Variants in RCC2 observed in about 807,000 individuals in gnomAD.
The protein encoded by RCC2 is regulator of chromosome condensation 2.
In RCC2, 19 loss-of-function variants were observed where a neutral mutation model predicts 64.1. That is an observed-to-expected ratio of 0.30 (90% CI 0.21 to 0.44). The LOEUF (loss-of-function observed/expected upper bound fraction) is 0.44. Ranked by LOEUF, RCC2 falls within the 20% of genes least tolerant of loss-of-function variation. The pLI is 1.00. For synonymous variants in RCC2, 325 were observed against 279.6 expected (o/e 1.16, Z -1.62); for missense variants, 508 against 710.4 (o/e 0.72, Z 3.24).
At chr1:17,412,727 C>A (rs1326035256) in intron 10 of RCC2, among the ~76,000 whole-genome samples, 5 of 152,240 alleles carry the variant, frequency 3.3e-5, no homozygotes, top group Non-Finnish European at 5.9e-5. Flanking sequence ...ATGTCGTCTT[C>A]CCAGTGTCAC....
chr1:17,433,869 GACCAATT>G (rs1194395375), intron 2 of RCC2, among the ~76,000 whole-genome samples: 16 of 152,030 alleles, frequency 1.1e-4, no homozygotes, highest in Non-Finnish European at 8.8e-5. Flanking sequence ...TGCCGGCATC[GACCAATT>G]ACCTAAGGGC....
At position 17,409,967 on chromosome 1, in the gene RCC2, C is replaced by CA; in HGVS notation, c.1464+6dup. Reference sequence around the variant, plus strand: ...GTCCCCGAGCTGGCACAGCTGCCCCCACTCACCTGCTCTGAGAAAATGCCA... The same window carrying CA: ...GTCCCCGAGCTGGCACAGCTGCCCCCAACTCACCTGCTCTGAGAAAATGCCA... On this transcript the variant is annotated splice_region_variant and intron_variant, in intron 12 of 12. Transcript: ENST00000375436. The CA allele has an allele frequency of 6.2e-7, 1 of 1,613,440 alleles. No homozygotes were observed. Among genetic ancestry groups the CA allele is most frequent in the Non-Finnish European group, 8.5e-7 (1 of 1,179,358 alleles).
At chr1:17,428,930 C>T (rs2100384930) in intron 3 of RCC2, among the ~76,000 whole-genome samples, 176 bp downstream of exon 3, 1 of 152,328 alleles carries the variant, frequency 6.6e-6, no homozygotes, top group Middle Eastern at 3.4e-3. Context: ...CTTTAAAAGA[C>T]TAAGATTAGG....
chr1:17,432,679 G>GTGGCCT (rs1218730429), intron 2 of RCC2, among the ~76,000 whole-genome samples: 15 of 152,378 alleles, frequency 9.8e-5, no homozygotes, highest in African/African-American at 3.4e-4. Flanking sequence ...CTTAACCGCA[G>GTGGCCT]TGGCCTTGGC....
rs1165452419 is a variant in RCC2 at position 17,431,358 on chromosome 1, AAATAT to A, written c.286-2164_286-2160del. On this transcript the variant is annotated intron_variant, in intron 2 of 12. Coordinates refer to ENST00000375436, the MANE Select transcript of RCC2 (RefSeq NM_018715.4). ...CAAAAAAAAAAAAAAAAAAAAAAAA[AAATAT>A]ATATATATATATATATATGTGGGCT... Among the ~76,000 whole-genome samples the A allele has an allele frequency of 1.5e-4, 14 of 91,876 alleles. 2 individuals are homozygous for A. Among genetic ancestry groups the A allele is most frequent in the East Asian group, 1.0e-3 (4 of 3,924 alleles). The allele number at this position is 91,876 out of a possible 152,430, so 60.3% of individuals were successfully genotyped here.
intron 3 of RCC2, among the ~76,000 whole-genome samples, chr1:17,426,972 G>A (rs1009371795): frequency 3.3e-5 from 5 of 151,954 alleles, no homozygotes; most frequent in Admixed American, 1.3e-4. Context: ...TATTGGCCAG[G>A]CTGGTCTTTA....
chr1:17,427,198 T>C (rs2075625884), intron 3 of RCC2, among the ~76,000 whole-genome samples: 1 of 152,200 alleles, frequency 6.6e-6, no homozygotes, highest in African/African-American at 2.4e-5. Flanking sequence ...AATGTCTCTA[T>C]CAAGCGCCTG....
chr1:17,433,195 T>C (rs2075701391), intron 2 of RCC2, among the ~76,000 whole-genome samples: 4 of 152,238 alleles, frequency 2.6e-5, no homozygotes, highest in Admixed American at 2.6e-4. Context: ...ACACATTAGA[T>C]GGAGGTTAGT....
chr1:17,420,075 G>T, intron 7 of RCC2, among the ~76,000 whole-genome samples: 1 of 152,240 alleles, frequency 6.6e-6, no homozygotes, highest in East Asian at 1.9e-4. Context: ...AGGGGCTGGA[G>T]TGGAGGCAGA....
chr1:17,425,206 C>A (rs2075600463), intron 4 of RCC2, among the ~76,000 whole-genome samples: 1 of 152,120 alleles, frequency 6.6e-6, no homozygotes, highest in Non-Finnish European at 1.5e-5. Flanking sequence ...AAACTGTCTG[C>A]TGGAAGGACA....
At chr1:17,438,207 C>A (rs1338121751) in intron 2 of RCC2, 23 bp downstream of exon 2, 3 of 1,237,408 alleles carry the variant, frequency 2.4e-6, no homozygotes, top group Admixed American at 3.3e-5. Context: ...TGCGCCCACC[C>A]GTCTACCCTG....
intron 2 of RCC2, among the ~76,000 whole-genome samples, chr1:17,431,354 A>T (rs1404547540): frequency 2.2e-5 from 2 of 90,224 alleles, no homozygotes; most frequent in East Asian, 2.6e-4. Context: ...AAAAAAAAAA[A>T]AAAAAATATA....
intron 4 of RCC2, 124 bp downstream of exon 4, chr1:17,425,417 C>T: frequency 1.1e-6 from 1 of 937,710 alleles, no homozygotes; most frequent in Non-Finnish European, 1.5e-6. Context: ...AAGACATGGG[C>T]TGTGAACGAA....
intron 2 of RCC2, among the ~76,000 whole-genome samples, chr1:17,435,886 C>T (rs2075730446): frequency 1.3e-5 from 2 of 149,632 alleles, no homozygotes; most frequent in Admixed American, 1.3e-4. Flanking sequence ...ACATTGCACT[C>T]CAACCTGGGC....
chr1:17,424,134 C>T (rs1223659017), intron 4 of RCC2, among the ~76,000 whole-genome samples: 1 of 152,194 alleles, frequency 6.6e-6, no homozygotes. Context: ...CAGATGGAGA[C>T]CCCACATGAG....
chr1:17,423,318 T>C (rs1157746238), intron 4 of RCC2, among the ~76,000 whole-genome samples: 2 of 151,612 alleles, frequency 1.3e-5, no homozygotes, highest in Admixed American at 6.6e-5. Flanking sequence ...GTCTGCCCAA[T>C]ATTTCTCTTC....
chr1:17,415,762 A>C (rs1162635400), intron 8 of RCC2, among the ~76,000 whole-genome samples: 4 of 151,046 alleles, frequency 2.6e-5, no homozygotes, highest in East Asian at 2.0e-4. Flanking sequence ...AGTTTATCTA[A>C]AGTGACCTTT....
chr1:17,426,759 C>CTTTTTTTT (rs146347066), intron 3 of RCC2, among the ~76,000 whole-genome samples: 4 of 110,000 alleles, frequency 3.6e-5, no homozygotes, highest in Admixed American at 2.0e-4. Context: ...TCTTACTTTT[C>CTTTTTTTT]TTTTTTTTTT....
At chr1:17,437,151 T>C (rs945639589) in intron 2 of RCC2, among the ~76,000 whole-genome samples, 1 of 152,202 alleles carries the variant, frequency 6.6e-6, no homozygotes, top group Admixed American at 6.5e-5. Context: ...TCCCTATCTA[T>C]AAAACGGACG....
Sources: gnomAD v4.1 joint callset for allele counts (sites outside exome capture counted in the v4.1 genomes callset) on GRCh38, gnomAD v4.1.1 for gene constraint, MANE v1.5 for transcripts, NCBI Gene and HGNC (gene_info 2026-07-23, HGNC 2026-07-21) for gene names.